Variants in BAG5 observed in about 807,000 individuals in gnomAD.
BAG5 encodes BAG cochaperone 5, also known as BAG family molecular chaperone regulator 5.
A neutral mutation model predicts 31.8 loss-of-function variants in BAG5; 25 were observed. The observed-to-expected ratio is 0.79, with a 90% CI of 0.57 to 1.10. The LOEUF (loss-of-function observed/expected upper bound fraction) is 1.10. Among genes scored for constraint, BAG5 ranks in the 50% least tolerant of loss-of-function variants. The pLI, the probability that BAG5 is intolerant of heterozygous loss-of-function variation, is 0.00. For missense variants in BAG5, 491 were observed against 527.9 expected (o/e 0.93, Z 0.68); for synonymous variants, 208 against 205.0 (o/e 1.01, Z -0.13).
chr14:103,562,121 T>TGCG, intron 1 of BAG5: 2 of 744,882 alleles, frequency 2.7e-6, no homozygotes, highest in Non-Finnish European at 4.8e-6. Context: ...CTGAATTGGA[T>TGCG]GCGGTCTTGG....
Position 103,560,875 on chromosome 14 carries a change from A to G in BAG5, c.290T>C (p.Ile97Thr). The G allele has an allele frequency of 6.2e-7, 1 of 1,613,966 alleles. No individual in the cohort carries two copies. The highest frequency in any genetic ancestry group is 8.5e-7 in the Non-Finnish European group (1 of 1,180,018). Reference sequence around the variant, plus strand: ...CACGAGGGACTGGGCTTCCTCAAAAATGTTCTGTATTTCAATCCGGTGTGG... The same window carrying G: ...CACGAGGGACTGGGCTTCCTCAAAAGTGTTCTGTATTTCAATCCGGTGTGG... ...NHPHRIEIQN[I>T]FEEAQSLVRE... The change falls in exon 2 of 2, where the codon ATT becomes ACT. Residue 97 changes from isoleucine (I) to threonine (T), a missense_variant. By Grantham distance (89) the Ile-to-Thr change is moderately conservative (BLOSUM62 -1). Coordinates refer to ENST00000299204, the MANE Select transcript of BAG5 (RefSeq NM_001015048.3).
chr14:103,561,929 A>G, intron 1 of BAG5: 1 of 1,612,718 alleles, frequency 6.2e-7, no homozygotes, highest in Non-Finnish European at 8.5e-7. Flanking sequence ...CTGGGAGTCC[A>G]CAATGGCCTA....
At position 103,560,343 on chromosome 14, in the gene BAG5, A is replaced by G; in HGVS notation, c.822T>C (p.His274=). ...TTKAFDLRQN[H]SILKIEKVLK... ...GGACCTTTTCTATTTTTAAAATGGAATGATTCTGTCTCAGGTCAAATGCTT... is the reference window on the plus strand; with the variant it reads ...GGACCTTTTCTATTTTTAAAATGGAGTGATTCTGTCTCAGGTCAAATGCTT... The change falls in exon 2 of 2, where the codon CAT becomes CAC. Residue 274 remains histidine, a synonymous_variant. Coordinates refer to ENST00000299204, the MANE Select transcript of BAG5 (RefSeq NM_001015048.3). 1 of 1,614,098 alleles carries G rather than the reference A, an allele frequency of 6.2e-7. No homozygotes were observed. The highest frequency in any genetic ancestry group is 8.5e-7 in the Non-Finnish European group (1 of 1,180,008).
chr14:103,559,892 T>C lies in BAG5; in HGVS notation c.1273A>G (p.Lys425Glu), dbSNP rs1238675385. The part of the protein sequence containing the change: ...QGEEKCKAAR[K>E]QAVRLAQNIL... ...TTCTGCGCAAGCCTCACAGCTTGTT[T>C]CCTGGCAGCCTTACACTTCTCTTCT... The change falls in exon 2 of 2, where the codon AAA (lysine) becomes GAA (glutamate). Residue 425 changes from lysine to glutamate, a missense_variant. Lys to Glu is a moderately conservative substitution (Grantham distance 56). Transcript: ENST00000299204. 8.1e-6 allele frequency: 13 copies of C among 1,614,104 alleles called. No homozygotes were observed. The highest frequency in any genetic ancestry group is 1.0e-5 in the Non-Finnish European group (12 of 1,180,060).
In BAG5 at chr14:103,560,305, C is replaced by A; in HGVS notation, c.860G>T (p.Arg287Ile). The A allele has an allele frequency of 6.2e-7, 1 of 1,614,112 alleles. No homozygotes were observed. The highest frequency in any genetic ancestry group is 8.5e-7 in the Non-Finnish European group (1 of 1,180,024). Residue 287 changes from arginine to isoleucine, a missense_variant, in exon 2 of 2, where the codon AGA becomes ATA. Arg to Ile is a moderately conservative substitution (Grantham distance 97, BLOSUM62 -3). Transcript: ENST00000299204. ...LKIEKVLKRM[R>I]EIKNELLQAQ... is the part of the protein sequence containing the mutation. ...TTGGAGAAGTTCATTTTTTATTTCT[C>A]TCATTCTCTTGAGGACCTTTTCTAT...
Position 103,561,207 on chromosome 14 carries a change from G to T in BAG5, c.-28-15C>A. 6.3e-7 allele frequency: 1 copy of T among 1,575,312 alleles called. No individual in the cohort carries two copies. Among genetic ancestry groups the T allele is most frequent in the Non-Finnish European group, 8.5e-7 (1 of 1,169,838 alleles). ...TTTCACAAGCACTAAAAGACGACAA[G>T]AATGATAACTTACTACAGCACAAGG... On this transcript the variant is annotated splice_polypyrimidine_tract_variant and intron_variant, in intron 1 of 1. Coordinates refer to ENST00000299204, the MANE Select transcript of BAG5 (RefSeq NM_001015048.3).
In BAG5 at chr14:103,561,891, TATGAATA is replaced by T. The variant is rs769470164; in HGVS notation, c.-28-706_-28-700del. Reference sequence around the variant, plus strand: ...AAACAACCCGCGAAAACGTGGTAACTATGAATAATTCATTCACTCGCCTCCCACTGGG... The same window carrying T: ...AAACAACCCGCGAAAACGTGGTAACTATTCATTCACTCGCCTCCCACTGGG... On this transcript the variant is annotated intron_variant, in intron 1 of 1. Transcript: ENST00000299204. 6.5e-6 allele frequency: 10 copies of T among 1,549,446 alleles called. No homozygotes were observed. In the Admixed American group the frequency reaches 1.7e-4, roughly 26 times the overall value.
Position 103,559,707 on chromosome 14 carries a change from A to G in BAG5, c.*114T>C, listed in dbSNP as rs2076057885. The stretch of plus-strand genomic sequence containing the variant: ...CAGATACTGAATAGAATTTGCTTCA[A>G]TCATAAATACTGAGACTGAAATATG... On this transcript the variant is annotated 3_prime_UTR_variant, in exon 2 of 2. Transcript: ENST00000299204. 3 of 1,324,552 alleles carry G rather than the reference A, an allele frequency of 2.3e-6. No individual in the cohort carries two copies. Among genetic ancestry groups the G allele is most frequent in the African/African-American group, 2.9e-5 (2 of 68,060 alleles). The allele number at this position is 1,324,552 out of a possible 1,614,324, so 82.0% of individuals were successfully genotyped here. A position where few individuals can be genotyped will look rare whatever the true frequency, so the allele number is the denominator to read the frequency against.
rs1180199658 is a variant in BAG5, at chr14:103,560,177, C to A, written c.988G>T (p.Glu330Ter). Residue 330 changes from glutamate to a stop codon, truncating the protein, a stop_gained, in exon 2 of 2, where the codon GAA (glutamate) becomes TAA (stop). Transcript: ENST00000299204. LOFTEE classifies it high-confidence loss of function. Reference sequence around the variant, plus strand: ...TCGATCACTGCTCTTCTCCTGGCTTCCCGGATGCAGGGGTTTTTTTCAAGA... The same window carrying A: ...TCGATCACTGCTCTTCTCCTGGCTTACCGGATGCAGGGGTTTTTTTCAAGA... ...VSLEKNPCIREARRRAVIEVQ... is the reference protein window; with the variant it reads ...VSLEKNPCIR 5 of 1,614,040 alleles carry A rather than the reference C, an allele frequency of 3.1e-6. No individual in the cohort carries two copies. Among genetic ancestry groups the A allele is most frequent in the Non-Finnish European group, 4.2e-6 (5 of 1,180,042 alleles).
rs2076042707 is a variant in BAG5, at chr14:103,557,014, G to A, written c.*2807C>T. On this transcript the variant is annotated 3_prime_UTR_variant, in exon 2 of 2. Coordinates refer to ENST00000299204, the MANE Select transcript of BAG5 (RefSeq NM_001015048.3). ...TTATTTTAATAACTACTTCATTATA[G>A]GCTGACTGGCTTTCCTGTGTGGATA... 6.6e-6 allele frequency: 1 copy of A among 152,188 alleles called. No individual in the cohort carries two copies. The highest frequency in any genetic ancestry group is 2.1e-4 in the South Asian group (1 of 4,828). The allele number at this position is 152,188 out of a possible 1,614,324, so 9.4% of individuals were successfully genotyped here. A position where few individuals can be genotyped will look rare whatever the true frequency, so the allele number is the denominator to read the frequency against.
chr14:103,557,951 C>T lies in BAG5; in HGVS notation c.*1870G>A, dbSNP rs1202809225. The T allele has an allele frequency of 2.6e-5, 4 of 152,132 alleles. No individual in the cohort carries two copies. Among genetic ancestry groups the T allele is most frequent in the Non-Finnish European group, 5.9e-5 (4 of 68,064 alleles). The allele number at this position is 152,132 out of a possible 1,614,324, so 9.4% of individuals were successfully genotyped here. A position where few individuals can be genotyped will look rare whatever the true frequency, so the allele number is the denominator to read the frequency against. On this transcript the variant is annotated 3_prime_UTR_variant, in exon 2 of 2. Transcript: ENST00000299204. ...GAGGTTGCAGTGAGCTGAGATGGCA[C>T]CACTGCACTGCAGCCTGGGCAACAG...
At position 103,560,245 on chromosome 14, in the gene BAG5, T is replaced by C. The variant is rs1014753951; in HGVS notation, c.920A>G (p.Lys307Arg). 3 of 1,614,048 alleles carry C rather than the reference T, an allele frequency of 1.9e-6. No individual in the cohort carries two copies. In the African/African-American group the frequency reaches 4.0e-5, roughly 22 times the overall value. Reference sequence around the variant, plus strand: ...TCCAATTAAACCCTGCAATTCTGTTTTGGAGCTCAGGTACAATTCAGAAGG... The same window carrying C: ...TCCAATTAAACCCTGCAATTCTGTTCTGGAGCTCAGGTACAATTCAGAAGG... ...QNPSELYLSS[K>R]TELQGLIGQL... is the part of the protein sequence containing the mutation. Residue 307 changes from lysine (K) to arginine (R), a missense_variant, in exon 2 of 2, where the codon AAA (lysine) becomes AGA (arginine). Transcript: ENST00000299204.
chr14:103,562,050 C>G, intron 1 of BAG5: 1 of 1,365,792 alleles, frequency 7.3e-7, no homozygotes, highest in Non-Finnish European at 1.0e-6. Context: ...GGAGGGAAGG[C>G]GGCCCGAGCT....
At position 103,558,114 on chromosome 14, in the gene BAG5, G is replaced by C. The variant is rs571133009; in HGVS notation, c.*1707C>G. ...GATTCCAATGACCTGCCTTGAGCCC[G>C]CGGTTGCCAGGAGTTGGACCTGCAG... is the stretch of plus-strand genomic sequence containing the variant. On this transcript the variant is annotated 3_prime_UTR_variant, in exon 2 of 2. Transcript: ENST00000299204. 3.3e-5 allele frequency: 5 copies of C among 152,138 alleles called. 1 individual carries two copies. The highest frequency in any genetic ancestry group is 7.3e-5 in the Non-Finnish European group (5 of 68,032). The allele number at this position is 152,138 out of a possible 1,614,324, so 9.4% of individuals were successfully genotyped here. A position where few individuals can be genotyped will look rare whatever the true frequency, so the allele number is the denominator to read the frequency against.
At position 103,560,953 on chromosome 14, in the gene BAG5, G is replaced by A. The variant is rs1566973203; in HGVS notation, c.212C>T (p.Ala71Val). Residue 71 changes from alanine to valine, a missense_variant, in exon 2 of 2, where the codon GCA becomes GTA. Transcript: ENST00000299204. The stretch of plus-strand genomic sequence containing the variant: ...GAGAAGACGTTCTGTCTCCTGTGCT[G>A]CCCGCTTCCTAGCTTGCTGAATATC... ...KGDIQQARKRAAQETERLLKE... is the reference protein window; with the variant it reads ...KGDIQQARKRVAQETERLLKE... The A allele has an allele frequency of 6.2e-7, 1 of 1,614,124 alleles. No individual in the cohort carries two copies. The highest frequency in any genetic ancestry group is 2.2e-5 in the East Asian group (1 of 44,886).
rs576973924 is a variant in BAG5, at chr14:103,556,646, A to G, written c.*3175T>C. 6.6e-6 allele frequency: 1 copy of G among 152,348 alleles called. No homozygotes were observed. The highest frequency in any genetic ancestry group is 1.9e-4 in the East Asian group (1 of 5,192). The allele number at this position is 152,348 out of a possible 1,614,324, so 9.4% of individuals were successfully genotyped here. ...AGTAACATTGAATTATTGAAGACAT[A>G]CTGTTCCAATACTCAAACAGTTCAC... is the stretch of plus-strand genomic sequence containing the variant. On this transcript the variant is annotated 3_prime_UTR_variant, in exon 2 of 2. Coordinates refer to ENST00000299204, the MANE Select transcript of BAG5 (RefSeq NM_001015048.3).
rs2076043068 is a variant in BAG5 at position 103,557,077 on chromosome 14, A to T, written c.*2744T>A. ...AAAGCAACGCTGACTGAATGTAAAT[A>T]AAGCAAACGTTCCCAGCCATTTTTG... On this transcript the variant is annotated 3_prime_UTR_variant, in exon 2 of 2. Transcript: ENST00000299204. 1 of 152,256 alleles carries T rather than the reference A, an allele frequency of 6.6e-6. No homozygotes were observed. Among genetic ancestry groups the T allele is most frequent in the African/African-American group, 2.4e-5 (1 of 41,472 alleles). 9.4% of individuals were successfully genotyped at this position (152,256 alleles called of 1,614,324 possible).
At chr14:103,561,990 T>A in intron 1 of BAG5, 1 of 1,613,736 alleles carries the variant, frequency 6.2e-7, no homozygotes, top group South Asian at 1.1e-5. Context: ...TCAAGGTGGG[T>A]AACCAATGGA....
chr14:103,562,006 A>G, intron 1 of BAG5: 1 of 1,611,238 alleles, frequency 6.2e-7, no homozygotes, highest in Non-Finnish European at 8.5e-7. Flanking sequence ...ATGGAAACGC[A>G]TAATCTATCC....
Sources: allele counts gnomAD v4.1 joint callset, GRCh38; gene constraint gnomAD v4.1.1; transcripts MANE v1.5; gene names NCBI Gene and HGNC (gene_info 2026-07-23, HGNC 2026-07-21).